Variants in PTCD2 observed in about 807,000 individuals in gnomAD.
PTCD2 encodes pentatricopeptide repeat-containing protein 2, mitochondrial.
In PTCD2, 31 loss-of-function variants were observed where a neutral mutation model predicts 42.6. That is an observed-to-expected ratio of 0.73 (90% CI 0.55 to 0.98). PTCD2 has a LOEUF of 0.98. PTCD2 is among the 50% of genes least tolerant of loss of function. PTCD2 has a pLI of 0.00. For synonymous variants in PTCD2, 183 were observed against 170.9 expected (o/e 1.07, Z -0.55); for missense variants, 476 against 454.8 (o/e 1.05, Z -0.42).
intron 5 of PTCD2, 33 bp downstream of exon 5, chr5:72,335,129 T>A: frequency 7.9e-7 from 1 of 1,266,754 alleles, no homozygotes; most frequent in African/African-American, 1.5e-5. Flanking sequence ...GCTGAAAAAT[T>A]CTGCCATGTT....
intron 4 of PTCD2, among the ~76,000 whole-genome samples, chr5:72,332,649 G>T (rs1053996135): frequency 3.3e-5 from 5 of 151,846 alleles, no homozygotes; most frequent in Non-Finnish European, 5.9e-5. Flanking sequence ...AAGCAAACGG[G>T]TTTTTTTTAG....
Position 72,331,287 on chromosome 5 carries a change from TG to T in PTCD2, c.385del (p.Glu129SerfsTer9), listed in dbSNP as rs879093717. Reference sequence around the variant, plus strand: ...CATGCAGAGAACAAAAATTTCACTTTGGGGGAGTATAAATTTGGACCGCTTT... The same window carrying T: ...CATGCAGAGAACAAAAATTTCACTTTGGGGAGTATAAATTTGGACCGCTTT... The part of the protein sequence containing the change: ...RYHAENKNFT[L>X]GEYKFGPLFV... On this transcript the variant is annotated frameshift_variant, in exon 4 of 10. Transcript: ENST00000380639. LOFTEE classifies it high-confidence loss of function. The T allele has an allele frequency of 6.2e-7, 1 of 1,613,778 alleles. No homozygotes were observed. The highest frequency in any genetic ancestry group is 8.5e-7 in the Non-Finnish European group (1 of 1,179,782).
At chr5:72,351,789 A>T (rs940616975) in intron 8 of PTCD2, among the ~76,000 whole-genome samples, 1 of 152,104 alleles carries the variant, frequency 6.6e-6, no homozygotes, top group African/African-American at 2.4e-5. Context: ...GACACTGGAG[A>T]TTATCATTCG....
chr5:72,334,583 G>A (rs985259102), intron 4 of PTCD2, among the ~76,000 whole-genome samples: 3 of 150,028 alleles, frequency 2.0e-5, no homozygotes, highest in Admixed American at 1.3e-4. Flanking sequence ...ACGGAGTCTC[G>A]CCCTGTCACC....
chr5:72,326,867 G>T (rs1751168078), intron 3 of PTCD2, 126 bp downstream of exon 3: 1 of 917,042 alleles, frequency 1.1e-6, no homozygotes, highest in South Asian at 1.7e-5. Flanking sequence ...CTCTTGTTCG[G>T]ATGCCTACCT....
At chr5:72,324,532 A>G (rs1193894780) in intron 2 of PTCD2, among the ~76,000 whole-genome samples, 1 of 151,990 alleles carries the variant, frequency 6.6e-6, no homozygotes, top group East Asian at 1.9e-4. Context: ...CCATTTCTCC[A>G]ACCTGATTTC....
chr5:72,335,591 G>A, intron 5 of PTCD2: 1 of 438,020 alleles, frequency 2.3e-6, no homozygotes, highest in Admixed American at 4.0e-5. Context: ...TGCTAAAATT[G>A]TGAAGCAGCT....
intron 8 of PTCD2, among the ~76,000 whole-genome samples, chr5:72,346,477 G>T (rs1362970878): frequency 6.6e-6 from 1 of 152,202 alleles, no homozygotes; most frequent in Non-Finnish European, 1.5e-5. Flanking sequence ...TTAGCCTGCT[G>T]CAGGTAGCTC....
At chr5:72,342,027 A>G (rs1324033055) in intron 7 of PTCD2, among the ~76,000 whole-genome samples, 2 of 152,236 alleles carry the variant, frequency 1.3e-5, no homozygotes, top group East Asian at 3.9e-4. Context: ...CCTGGGCAAC[A>G]GAGCGAGACT....
In PTCD2 at chr5:72,320,381, G is replaced by A; in HGVS notation, c.-2G>A. ...CTCCTCGCCCCGGTTCCAGTAGTTG[G>A]TATGGTCCGAGACAGTATGGCTGCT... is the stretch of plus-strand genomic sequence containing the variant. On this transcript the variant is annotated 5_prime_UTR_variant, in exon 1 of 10. Transcript: ENST00000380639. The A allele has an allele frequency of 1.2e-6, 2 of 1,613,864 alleles. No homozygotes were observed. The highest frequency in any genetic ancestry group is 1.7e-6 in the Non-Finnish European group (2 of 1,179,894).
chr5:72,327,815 T>C (rs916067811), intron 3 of PTCD2, among the ~76,000 whole-genome samples: 6 of 152,192 alleles, frequency 3.9e-5, no homozygotes, highest in African/African-American at 1.2e-4. Flanking sequence ...TATGAACCTG[T>C]ATTTATATGT....
intron 7 of PTCD2, among the ~76,000 whole-genome samples, chr5:72,341,334 G>A (rs1752050004): frequency 1.3e-5 from 2 of 152,102 alleles, no homozygotes; most frequent in African/African-American, 4.8e-5. Context: ...GTGAGCCACT[G>A]TACCAGTTAT....
chr5:72,320,441 C>A lies in PTCD2; in HGVS notation c.59C>A (p.Ala20Glu), dbSNP rs923545092. The change falls in exon 1 of 10, where the codon GCG becomes GAG. Residue 20 changes from alanine to glutamate, a missense_variant. By Grantham distance (107) the Ala-to-Glu change is moderately radical. Transcript: ENST00000380639. ...FRPSNRVLLQ[A>E]LQILVYPGVG... ...CCCTCGAATCGAGTTCTCCTGCAGGCGCTGCAGATTTTGGTGTATCCTGGG... is the reference window on the plus strand; with the variant it reads ...CCCTCGAATCGAGTTCTCCTGCAGGAGCTGCAGATTTTGGTGTATCCTGGG... 11 of 1,614,122 alleles carry A rather than the reference C, an allele frequency of 6.8e-6. No homozygotes were observed. The highest frequency in any genetic ancestry group is 9.3e-6 in the Non-Finnish European group (11 of 1,180,024).
chr5:72,358,718 G>A lies in PTCD2; in HGVS notation c.*291G>A, dbSNP rs1475039521. On this transcript the variant is annotated 3_prime_UTR_variant, in exon 10 of 10. Transcript: ENST00000380639. ...CCGGTTCAGCTTCCGACACCAGAGT[G>A]GAACCCAGTAAGCACCATCAGGAAT... 4 of 425,452 alleles carry A rather than the reference G, an allele frequency of 9.4e-6. No individual in the cohort carries two copies. Among genetic ancestry groups the A allele is most frequent in the Non-Finnish European group, 1.3e-5 (3 of 232,554 alleles). 26.4% of individuals were successfully genotyped at this position (425,452 alleles called of 1,614,324 possible).
chr5:72,334,131 A>G (rs1207114164), intron 4 of PTCD2, among the ~76,000 whole-genome samples: 3 of 152,066 alleles, frequency 2.0e-5, no homozygotes, highest in Non-Finnish European at 4.4e-5. Flanking sequence ...CTCCCAAAGT[A>G]CTGGGATTAC....
intron 8 of PTCD2, 74 bp from the exon 9 acceptor site, chr5:72,352,567 T>C: frequency 1.4e-6 from 1 of 704,756 alleles, no homozygotes; most frequent in African/African-American, 1.8e-5. Flanking sequence ...TGAAGGCTTA[T>C]CTAACCAGGT....
intron 4 of PTCD2, among the ~76,000 whole-genome samples, chr5:72,332,400 A>G (rs1226727864): frequency 6.6e-6 from 1 of 152,298 alleles, no homozygotes; most frequent in East Asian, 1.9e-4. Flanking sequence ...ACACATATTA[A>G]CATTAACATT....
At chr5:72,327,130 C>T (rs1375307628) in intron 3 of PTCD2, among the ~76,000 whole-genome samples, 1 of 152,234 alleles carries the variant, frequency 6.6e-6, no homozygotes, top group Admixed American at 6.5e-5. Flanking sequence ...ATTTGCCTCT[C>T]TTTCCTGATA....
rs1753162590 is a variant in PTCD2, at chr5:72,364,723, AGAGC to A, written c.*6297_*6300del. The A allele has an allele frequency of 6.6e-6, 1 of 152,212 alleles. No homozygotes were observed. Among genetic ancestry groups the A allele is most frequent in the East Asian group, 1.9e-4 (1 of 5,190 alleles). 9.4% of individuals were successfully genotyped at this position (152,212 alleles called of 1,614,324 possible). On this transcript the variant is annotated 3_prime_UTR_variant, in exon 10 of 10. Transcript: ENST00000380639. The stretch of plus-strand genomic sequence containing the variant: ...TTTCTGTCCCGGTTTTACACATGAC[AGAGC>A]CAAGACACAGACAAGTAGAATGACT...
Sources: allele counts gnomAD v4.1 joint callset (sites outside exome capture counted in the v4.1 genomes callset), GRCh38; gene constraint gnomAD v4.1.1; transcripts MANE v1.5; gene names NCBI Gene and HGNC (gene_info 2026-07-23, HGNC 2026-07-21).